The following DGKG variants were observed in gnomAD, a reference collection of about 807,000 sequenced individuals.
The protein encoded by DGKG is diacylglycerol kinase gamma, also known as DAG kinase gamma.
A neutral mutation model predicts 105.3 loss-of-function variants in DGKG; 78 were observed. That is an observed-to-expected ratio of 0.74 (90% confidence interval 0.62 to 0.89). The LOEUF (loss-of-function observed/expected upper bound fraction) is 0.89, where lower values mean the gene tolerates loss of function less well. DGKG is among the 40% of genes least tolerant of loss of function. The pLI is 0.00. For synonymous variants in DGKG, 346 were observed against 367.1 expected (o/e 0.94, Z 0.66); for missense variants, 958 against 1,020.1 (o/e 0.94, Z 0.83).
chr3:186,173,802 A>C (rs551369550), intron 22 of DGKG, among the ~76,000 whole-genome samples: 1 of 152,394 alleles, frequency 6.6e-6, no homozygotes, highest in Admixed American at 6.5e-5. Context: ...GATCTTCCAC[A>C]GGGCAAGGGG....
At chr3:186,307,060 G>T in intron 2 of DGKG, 83 bp from the exon 3 acceptor site, 1 of 938,682 alleles carries the variant, frequency 1.1e-6, no homozygotes, top group Non-Finnish European at 1.7e-6. Context: ...GTGTAACCAT[G>T]TTTATGTTGG....
chr3:186,207,717 C>T (rs375128078), intron 21 of DGKG, among the ~76,000 whole-genome samples: 1 of 152,170 alleles, frequency 6.6e-6, no homozygotes, highest in Non-Finnish European at 1.5e-5. Context: ...AGTCAGGGCC[C>T]TGGCCATGTG....
chr3:186,319,226 C>A (rs1724963333), intron 2 of DGKG, among the ~76,000 whole-genome samples: 1 of 152,214 alleles, frequency 6.6e-6, no homozygotes, highest in South Asian at 2.1e-4. Flanking sequence ...CTATGGTCCC[C>A]TGTTGACCTC....
intron 19 of DGKG, among the ~76,000 whole-genome samples, chr3:186,246,936 T>G (rs1164771905): frequency 6.6e-6 from 1 of 152,170 alleles, no homozygotes; most frequent in Admixed American, 6.5e-5. Context: ...TTAAGGCTCA[T>G]GAAAGCAGAG....
At chr3:186,358,923 A>G (rs1241855210) in intron 1 of DGKG, among the ~76,000 whole-genome samples, 2 of 152,172 alleles carry the variant, frequency 1.3e-5, no homozygotes, top group African/African-American at 4.8e-5. Context: ...TGATGGTTTG[A>G]TTTGTTCAAA....
chr3:186,208,615 G>C (rs1718868004), intron 21 of DGKG, among the ~76,000 whole-genome samples: 1 of 152,178 alleles, frequency 6.6e-6, no homozygotes, highest in Non-Finnish European at 1.5e-5. Context: ...TGCTGTGTGG[G>C]AAGACCTTTT....
intron 2 of DGKG, among the ~76,000 whole-genome samples, chr3:186,320,143 A>AT (rs1725010059): frequency 6.6e-6 from 1 of 152,198 alleles, no homozygotes; most frequent in African/African-American, 2.4e-5. Flanking sequence ...GTTGTCAGTG[A>AT]TTTTTAACCT....
intron 1 of DGKG, among the ~76,000 whole-genome samples, chr3:186,335,803 A>G (rs1251977868): frequency 6.6e-6 from 1 of 152,230 alleles, no homozygotes; most frequent in Non-Finnish European, 1.5e-5. Context: ...AACTACTACT[A>G]TTATTTCCAC....
chr3:186,241,102 T>C (rs1027992397), intron 20 of DGKG, among the ~76,000 whole-genome samples: 2 of 152,136 alleles, frequency 1.3e-5, no homozygotes, highest in African/African-American at 4.8e-5. Flanking sequence ...CACAGATCGC[T>C]CTTTCTGAAG....
intron 7 of DGKG, among the ~76,000 whole-genome samples, chr3:186,283,918 A>G (rs777418498): frequency 1.3e-5 from 2 of 151,966 alleles, no homozygotes; most frequent in Non-Finnish European, 2.9e-5. Flanking sequence ...ATGCATCTCA[A>G]CCTCAGGGCC....
At chr3:186,229,235 A>T (rs1720009978) in intron 20 of DGKG, among the ~76,000 whole-genome samples, 1 of 148,106 alleles carries the variant, frequency 6.8e-6, no homozygotes, top group Admixed American at 6.7e-5. Context: ...GACATCCTTC[A>T]GACTTGTAGC....
intron 1 of DGKG, among the ~76,000 whole-genome samples, chr3:186,342,408 T>C (rs1726131377): frequency 6.6e-6 from 1 of 152,138 alleles, no homozygotes. Context: ...GTTACAGCAG[T>C]GAAAGTGGTC....
intron 12 of DGKG, among the ~76,000 whole-genome samples, 181 bp from the exon 13 acceptor site, chr3:186,267,958 G>T (rs1722135352): frequency 6.6e-6 from 1 of 152,106 alleles, no homozygotes; most frequent in Admixed American, 6.6e-5. Flanking sequence ...GGTTAAGGGT[G>T]CAAAGTCTGC....
At chr3:186,346,743 T>A (rs950783102) in intron 1 of DGKG, among the ~76,000 whole-genome samples, 3 of 152,098 alleles carry the variant, frequency 2.0e-5, no homozygotes, top group Non-Finnish European at 2.9e-5. Context: ...GTATCATAAT[T>A]TTTTTACGAT....
At position 186,203,041 on chromosome 3, in the gene DGKG, T is replaced by C. The variant is rs183815044; in HGVS notation, c.1917+8754A>G. On this transcript the variant is annotated intron_variant, in intron 21 of 24. Transcript: ENST00000265022. The surrounding 1 kb of genome is among the most constrained non-coding windows in gnomAD (Gnocchi z 4.9). ...CTTGAAGTGAACTACAGGGTGCACATTAGTAAGAAATAAAAAAGAGGGTCA... is the reference window on the plus strand; with the variant it reads ...CTTGAAGTGAACTACAGGGTGCACACTAGTAAGAAATAAAAAAGAGGGTCA... 1.9e-4 allele frequency among the ~76,000 whole-genome samples: 29 copies of C among 152,208 alleles called. No individual in the cohort carries two copies. The highest frequency in any genetic ancestry group is 3.4e-3 in the Middle Eastern group (1 of 294).
At chr3:186,296,856 T>A (rs1340810161) in intron 5 of DGKG, among the ~76,000 whole-genome samples, 2 of 152,198 alleles carry the variant, frequency 1.3e-5, no homozygotes, top group Admixed American at 1.3e-4. Context: ...GCCTGGCAAA[T>A]ATATCTTCAA....
intron 1 of DGKG, among the ~76,000 whole-genome samples, chr3:186,340,519 T>C (rs556792423): frequency 1.3e-5 from 2 of 152,330 alleles, no homozygotes; most frequent in South Asian, 4.1e-4. Flanking sequence ...TTTTATTTGA[T>C]TGACTGACAT....
rs1012006526 is a variant in DGKG, at chr3:186,361,111, C to T, written c.-249+835G>A. On this transcript the variant is annotated intron_variant, in intron 1 of 24. Transcript: ENST00000265022. This position sits in a 1 kb window ranked among gnomAD's most constrained non-coding sequence, Gnocchi z 6.8. ...CCTGAGTTCCGCAGCTCATCCCTCC[C>T]ATCTGGGAGGTGGTTCTAGCTCTAG... is the stretch of plus-strand genomic sequence containing the variant. 3.9e-5 allele frequency among the ~76,000 whole-genome samples: 6 copies of T among 152,326 alleles called. No individual in the cohort carries two copies. The highest frequency in any genetic ancestry group is 3.4e-3 in the Middle Eastern group (1 of 294).
At position 186,231,365 on chromosome 3, in the gene DGKG, G is replaced by A. The variant is rs113379326; in HGVS notation, c.1826+11139C>T. Among the ~76,000 whole-genome samples, 8 of 152,272 alleles carry A rather than the reference G, an allele frequency of 5.3e-5. No homozygotes were observed. The highest frequency in any genetic ancestry group is 1.4e-4 in the African/African-American group (6 of 41,564). On this transcript the variant is annotated intron_variant, in intron 20 of 24. Transcript: ENST00000265022. The surrounding 1 kb of genome is among the most constrained non-coding windows in gnomAD (Gnocchi z 4.5). The stretch of plus-strand genomic sequence containing the variant: ...GAGTGGACAGGCCTAGGTGTGAATC[G>A]TAGCTTCTCTAGTAACTAGTGTGGT...
Sources: gnomAD v4.1 joint callset for allele counts (sites outside exome capture counted in the v4.1 genomes callset) on GRCh38, gnomAD v4.1.1 for gene constraint, Gnocchi (gnomAD v3.1) non-coding constraint, MANE v1.5 for transcripts, NCBI Gene and HGNC (gene_info 2026-07-23, HGNC 2026-07-21) for gene names.